UBAP2: variants seen among roughly 807,000 people sequenced by gnomAD.
UBAP2 encodes ubiquitin-associated protein 2.
A neutral mutation model predicts 139.6 loss-of-function variants in UBAP2; 75 were observed. That is an observed-to-expected ratio of 0.54 (90% CI 0.45 to 0.65). The LOEUF (loss-of-function observed/expected upper bound fraction) is 0.65, where lower values mean the gene tolerates loss of function less well. UBAP2 is among the 30% of genes least tolerant of loss of function. UBAP2 has a pLI of 0.00. For missense variants in UBAP2, 1,368 were observed against 1,369.6 expected (o/e 1.00, Z 0.02); for synonymous variants, 526 against 526.2 (o/e 1.00, Z 0.01).
Position 33,981,817 on chromosome 9 carries a change from G to A in UBAP2, c.520+4943C>T, listed in dbSNP as rs1256606409. ...AAGGAAGGAAGGAAGGGTGGAAGGG[G>A]GGAAGCGGGGAAGGAGGGAAGGGGG... On this transcript the variant is annotated intron_variant, in intron 6 of 28. Transcript: ENST00000379238. Among the ~76,000 whole-genome samples the A allele has an allele frequency of 3.6e-5, 5 of 138,808 alleles. No individual in the cohort carries two copies. The Admixed American group carries it at 3.6e-4, about 10-fold the overall frequency. 91.1% of individuals were successfully genotyped at this position (138,808 alleles called of 152,430 possible). A position where few individuals can be genotyped will look rare whatever the true frequency, so the allele number is the denominator to read the frequency against.
chr9:33,960,910 A>G (rs772441643), intron 9 of UBAP2, 32 bp from the exon 10 acceptor site: 2 of 1,608,808 alleles, frequency 1.2e-6, no homozygotes, highest in South Asian at 1.1e-5. Context: ...CAAAGTTTAT[A>G]CCACAAAGTC....
In UBAP2 at chr9:33,986,891, T is replaced by G. The variant is rs368268801; in HGVS notation, c.443-54A>C. Reference sequence around the variant, plus strand: ...TTTCCATTTCCAAACCTCTTGTACATAACCTTATCAAGCACCTATTAAAGG... The same window carrying G: ...TTTCCATTTCCAAACCTCTTGTACAGAACCTTATCAAGCACCTATTAAAGG... On this transcript the variant is annotated intron_variant, in intron 5 of 28. Transcript: ENST00000379238. The G allele has an allele frequency of 1.1e-4, 162 of 1,468,988 alleles. 1 individual carries two copies. Among genetic ancestry groups the G allele is most frequent in the Non-Finnish European group, 1.4e-4 (149 of 1,049,786 alleles). 91.0% of individuals were successfully genotyped at this position (1,468,988 alleles called of 1,614,324 possible).
chr9:34,013,281 GGC>G (rs1298675203), intron 2 of UBAP2, among the ~76,000 whole-genome samples: 1 of 152,048 alleles, frequency 6.6e-6, no homozygotes, highest in Admixed American at 6.6e-5. Flanking sequence ...CTGCTGCAGT[GGC>G]TCACGCCTGT....
At chr9:34,040,311 G>T (rs1826950947) in intron 1 of UBAP2, among the ~76,000 whole-genome samples, 1 of 105,832 alleles carries the variant, frequency 9.4e-6, no homozygotes, top group Non-Finnish European at 1.7e-5. Context: ...GTGACAGAAT[G>T]AGACTCTGTC....
chr9:33,950,515 A>C (rs951798124), intron 12 of UBAP2, among the ~76,000 whole-genome samples: 2 of 152,242 alleles, frequency 1.3e-5, no homozygotes, highest in African/African-American at 2.4e-5. Flanking sequence ...GCTTTGAGTA[A>C]AACATTAGGT....
Position 34,017,109 on chromosome 9 carries a change from G to C in UBAP2, c.40C>G (p.Arg14Gly). ...SVSSDHCRGAREKPQISAAQS... is the reference protein window; with the variant it reads ...SVSSDHCRGAGEKPQISAAQS... ...GCTGCTGAAATCTGTGGTTTTTCCC[G>C]AGCACCTCGACAATGGTCACTGCTC... Residue 14 changes from arginine to glycine, a missense_variant, in exon 2 of 29, where the codon CGG (arginine) becomes GGG (glycine). Arg to Gly is a moderately radical substitution (Grantham distance 125). Transcript: ENST00000379238. 6.2e-7 allele frequency: 1 copy of C among 1,611,792 alleles called. No individual in the cohort carries two copies. Among genetic ancestry groups the C allele is most frequent in the Non-Finnish European group, 8.5e-7 (1 of 1,179,462 alleles).
chr9:33,988,039 A>G (rs1821363925), intron 5 of UBAP2, among the ~76,000 whole-genome samples: 1 of 152,182 alleles, frequency 6.6e-6, no homozygotes, highest in Non-Finnish European at 1.5e-5. Flanking sequence ...GACTCACATG[A>G]ATTCCAGTGA....
rs577449184 is a variant in UBAP2, at chr9:34,042,797, G to T, written c.-42+6028C>A. Reference sequence around the variant, plus strand: ...TTTTTTTTTTTAATTTTACATATGGGGCCAGGCATTAAGCTCACACCTGTA... The same window carrying T: ...TTTTTTTTTTTAATTTTACATATGGTGCCAGGCATTAAGCTCACACCTGTA... On this transcript the variant is annotated intron_variant, in intron 1 of 28. Coordinates refer to ENST00000379238, the MANE Select transcript of UBAP2 (RefSeq NM_001370062.2). Among the ~76,000 whole-genome samples, 5 of 151,668 alleles carry T rather than the reference G, an allele frequency of 3.3e-5. No homozygotes were observed. The South Asian group carries it at 1.0e-3, about 32-fold the overall frequency.
intron 3 of UBAP2, 142 bp from the exon 4 acceptor site, chr9:33,996,475 AT>A: frequency 1.7e-6 from 1 of 584,906 alleles, no homozygotes. Context: ...CAATGAGGAC[AT>A]GTTTACTTAT....
chr9:33,989,865 T>G (rs1182314953), intron 4 of UBAP2, among the ~76,000 whole-genome samples: 1 of 152,166 alleles, frequency 6.6e-6, no homozygotes, highest in Non-Finnish European at 1.5e-5. Flanking sequence ...GTTCCATTAT[T>G]CAAACTAATT....
intron 2 of UBAP2, among the ~76,000 whole-genome samples, chr9:34,003,727 TG>T (rs1822932958): frequency 1.3e-5 from 2 of 149,624 alleles, no homozygotes; most frequent in South Asian, 2.1e-4. Context: ...TTCTTTCTTT[TG>T]TTTTTTTTTG....
chr9:34,031,054 G>C (rs1406886305), intron 1 of UBAP2, among the ~76,000 whole-genome samples: 1 of 152,134 alleles, frequency 6.6e-6, no homozygotes, highest in Non-Finnish European at 1.5e-5. Flanking sequence ...AGACTAGCCT[G>C]GCAAGGTGGG....
intron 2 of UBAP2, among the ~76,000 whole-genome samples, chr9:34,014,053 T>C (rs1031158731): frequency 3.9e-5 from 6 of 151,924 alleles, no homozygotes; most frequent in African/African-American, 1.5e-4. Context: ...CCAGGTGCAG[T>C]GGCTCACACC....
Position 34,030,031 on chromosome 9 carries a change from T to A in UBAP2, c.-41-12842A>T, listed in dbSNP as rs533187049. On this transcript the variant is annotated intron_variant, in intron 1 of 28. Transcript: ENST00000379238. The stretch of plus-strand genomic sequence containing the variant: ...AAATACATACATAGGCCAGGCACGG[T>A]GGCTCACGCCTGTAATCCCAACACT... 2.5e-4 allele frequency among the ~76,000 whole-genome samples: 37 copies of A among 150,002 alleles called. 1 individual carries two copies. In the South Asian group the frequency reaches 7.2e-3, roughly 29 times the overall value.
chr9:33,963,038 G>A (rs1564032878), intron 9 of UBAP2, among the ~76,000 whole-genome samples: 1 of 152,016 alleles, frequency 6.6e-6, no homozygotes, highest in Non-Finnish European at 1.5e-5. Context: ...ACCACTTTGA[G>A]AGCAGTATTT....
rs116469383 is a variant in UBAP2, at chr9:33,934,998, G to A, written c.1969+841C>T. On this transcript the variant is annotated intron_variant, in intron 17 of 28. Coordinates refer to ENST00000379238, the MANE Select transcript of UBAP2 (RefSeq NM_001370062.2). ...TTAAGTTCAATATCCGCACTCCCAG[G>A]AAATCCTATTTAAAGAGTCTTTCTG... is the stretch of plus-strand genomic sequence containing the variant. 8.3e-3 allele frequency among the ~76,000 whole-genome samples: 1,260 copies of A among 152,234 alleles called. 14 individuals carry two copies. Among genetic ancestry groups the A allele is most frequent in the African/African-American group, 0.028 (1,157 of 41,522 alleles).
chr9:33,933,662 C>T (rs1031243632), intron 17 of UBAP2, 34 bp from the exon 18 acceptor site: 1 of 1,607,060 alleles, frequency 6.2e-7, no homozygotes, highest in African/African-American at 1.3e-5. Flanking sequence ...AGAAGCAGAT[C>T]TGTTTATTTC....
At chr9:33,949,039 C>T (rs572567907) in intron 12 of UBAP2, 136 of 159,622 alleles carry the variant, frequency 8.5e-4, no homozygotes, top group Non-Finnish European at 1.4e-3. Flanking sequence ...TTTTGGCAGG[C>T]GCTTGTAGTC....
chr9:34,004,167 T>C (rs1822974066), intron 2 of UBAP2, among the ~76,000 whole-genome samples: 1 of 152,134 alleles, frequency 6.6e-6, no homozygotes, highest in Admixed American at 6.5e-5. Flanking sequence ...GAGCAGTAAA[T>C]AAGAGAACCT....
Sources: allele counts gnomAD v4.1 joint callset (sites outside exome capture counted in the v4.1 genomes callset), GRCh38; gene constraint gnomAD v4.1.1; transcripts MANE v1.5; gene names NCBI Gene and HGNC (gene_info 2026-07-23, HGNC 2026-07-21).